Variants in AP4E1 observed in about 807,000 individuals in gnomAD.
The protein encoded by AP4E1 is adaptor related protein complex 4 subunit epsilon 1.
AP4E1 carries 56 observed loss-of-function variants against 128.2 expected under a neutral mutation model. That is an observed-to-expected ratio of 0.44 (90% CI 0.35 to 0.55). The LOEUF (loss-of-function observed/expected upper bound fraction) is 0.55. AP4E1 is among the 20% of genes least tolerant of loss of function. The pLI, the probability that AP4E1 is intolerant of heterozygous loss-of-function variation, is 0.00. For missense variants in AP4E1, 1,324 were observed against 1,307.7 expected (o/e 1.01, Z -0.19); for synonymous variants, 484 against 473.1 (o/e 1.02, Z -0.30).
At chr15:50,913,962 C>T (rs908704702) in intron 2 of AP4E1, among the ~76,000 whole-genome samples, 7 of 151,980 alleles carry the variant, frequency 4.6e-5, no homozygotes, top group Admixed American at 2.6e-4. Flanking sequence ...TAATTACAGG[C>T]GCAGGTCCCC....
intron 15 of AP4E1, among the ~76,000 whole-genome samples, chr15:50,983,099 G>A (rs2064664950): frequency 1.3e-5 from 2 of 152,058 alleles, no homozygotes; most frequent in African/African-American, 4.8e-5. Flanking sequence ...CAAGATAGAC[G>A]GTTATTGCTT....
At chr15:50,934,775 T>C (rs1354481025) in intron 8 of AP4E1, 78 bp downstream of exon 8, 5 of 932,868 alleles carry the variant, frequency 5.4e-6, no homozygotes, top group Non-Finnish European at 8.6e-6. Flanking sequence ...GTTAGAATGC[T>C]ATAAATTCCA....
intron 17 of AP4E1, among the ~76,000 whole-genome samples, chr15:50,995,748 A>G (rs181211301): frequency 4.6e-5 from 7 of 152,172 alleles, no homozygotes; most frequent in Admixed American, 3.9e-4. Context: ...CTTTTCTTCA[A>G]GCATTTTAAC....
intron 13 of AP4E1, 51 bp downstream of exon 13, chr15:50,950,220 C>T (rs1261948821): frequency 2.4e-6 from 3 of 1,250,344 alleles, no homozygotes; most frequent in Admixed American, 3.7e-5. Flanking sequence ...TTAATACAAA[C>T]CAAATGTTAA....
chr15:50,963,565 T>C (rs957775243), intron 14 of AP4E1, among the ~76,000 whole-genome samples: 1 of 152,074 alleles, frequency 6.6e-6, no homozygotes, highest in Non-Finnish European at 1.5e-5. Flanking sequence ...CTGGGAAGGG[T>C]CGGGGGGCAG....
chr15:50,916,848 C>T (rs2063636916), intron 3 of AP4E1, among the ~76,000 whole-genome samples: 1 of 152,166 alleles, frequency 6.6e-6, no homozygotes, highest in South Asian at 2.1e-4. Flanking sequence ...GTTATCTTTT[C>T]ATATATTAAT....
intron 2 of AP4E1, among the ~76,000 whole-genome samples, chr15:50,914,977 C>A (rs534854966): frequency 5.3e-4 from 80 of 152,256 alleles, no homozygotes; most frequent in African/African-American, 1.8e-3. Context: ...TGAAGAAAAT[C>A]TAGGTGCAAT....
At chr15:50,995,901 C>CAGA (rs1383434575) in intron 17 of AP4E1, among the ~76,000 whole-genome samples, 1 of 147,686 alleles carries the variant, frequency 6.8e-6, no homozygotes, top group Non-Finnish European at 1.5e-5. Flanking sequence ...AAAAAAAGAC[C>CAGA]AGAAAAGACC....
intron 1 of AP4E1, among the ~76,000 whole-genome samples, chr15:50,911,830 A>G (rs1219916328): frequency 6.6e-6 from 1 of 152,168 alleles, no homozygotes; most frequent in African/African-American, 2.4e-5. Context: ...CATTAAGGGG[A>G]AGTAACTGAG....
At chr15:50,943,905 T>C (rs1345567667) in intron 10 of AP4E1, among the ~76,000 whole-genome samples, 2 of 152,196 alleles carry the variant, frequency 1.3e-5, no homozygotes, top group South Asian at 2.1e-4. Flanking sequence ...TTAAAACTTA[T>C]GAATTATTGA....
intron 14 of AP4E1, among the ~76,000 whole-genome samples, chr15:50,964,790 C>G (rs963507551): frequency 6.6e-6 from 1 of 152,014 alleles, no homozygotes; most frequent in Non-Finnish European, 1.5e-5. Context: ...TTTGGATCTC[C>G]CGCCCAAATC....
In AP4E1 at chr15:50,949,766, A is replaced by C; in HGVS notation, c.1317-60A>C. On this transcript the variant is annotated intron_variant, in intron 11 of 20. Transcript: ENST00000261842. Reference sequence around the variant, plus strand: ...GGGTTATTTTTTAAAAGATTGCTACAGAAGGGTAATTTTAATAAGTAGCAT... The same window carrying C: ...GGGTTATTTTTTAAAAGATTGCTACCGAAGGGTAATTTTAATAAGTAGCAT... 5 of 1,281,302 alleles carry C rather than the reference A, an allele frequency of 3.9e-6. No homozygotes were observed. The South Asian group carries it at 5.9e-5, about 15-fold the overall frequency. 79.4% of individuals were successfully genotyped at this position (1,281,302 alleles called of 1,614,324 possible). A position where few individuals can be genotyped will look rare whatever the true frequency, so the allele number is the denominator to read the frequency against.
chr15:50,925,056 A>G (rs767256883), intron 4 of AP4E1, 42 bp from the exon 5 acceptor site: 2 of 1,612,094 alleles, frequency 1.2e-6, no homozygotes, highest in Non-Finnish European at 1.7e-6. Context: ...TCCTAGTTTC[A>G]GTATTTACAC....
chr15:50,993,662 C>T (rs755118847), intron 17 of AP4E1, 37 bp downstream of exon 17: 2 of 1,612,588 alleles, frequency 1.2e-6, no homozygotes, highest in South Asian at 2.2e-5. Context: ...GAATCTTTGT[C>T]ATCTGTCTGT....
In AP4E1 at chr15:50,993,446, A is replaced by T. The variant is rs1180824125; in HGVS notation, c.2167A>T (p.Thr723Ser). ...CTATCTTCCCAAGAAGGAAAGCAAA[A>T]CTGGTGATGAAAGTGGAGCTCTGCC... ...EGYLPKKESK[T>S]GDESGALPVP... Residue 723 changes from threonine to serine, a missense_variant, in exon 17 of 21, where the codon ACT (threonine) becomes TCT (serine). By Grantham distance (58) the Thr-to-Ser change is moderately conservative. Coordinates refer to ENST00000261842, the MANE Select transcript of AP4E1 (RefSeq NM_007347.5). The T allele has an allele frequency of 1.2e-6, 2 of 1,613,992 alleles. No homozygotes were observed. Among genetic ancestry groups the T allele is most frequent in the Admixed American group, 3.3e-5 (2 of 59,990 alleles).
chr15:50,912,288 A>G (rs1240656132), intron 2 of AP4E1, 139 bp downstream of exon 2: 2 of 834,104 alleles, frequency 2.4e-6, no homozygotes, highest in Non-Finnish European at 4.1e-6. Flanking sequence ...GTAGCAACTC[A>G]GATGTTAACT....
At chr15:50,945,110 A>G (rs1437295060) in intron 10 of AP4E1, 3 of 791,428 alleles carry the variant, frequency 3.8e-6, no homozygotes, top group Non-Finnish European at 7.0e-6. Context: ...AAGAACCATT[A>G]CATACAACAT....
At position 50,912,806 on chromosome 15, in the gene AP4E1, G is replaced by T. The variant is rs565580713; in HGVS notation, c.222+657G>T. ...GCCTCCTGAGTAACTGGGACTACAG[G>T]TGCCCGCCACCATGCCTGGCTAATT... is the stretch of plus-strand genomic sequence containing the variant. On this transcript the variant is annotated intron_variant, in intron 2 of 20. Transcript: ENST00000261842. 5.3e-5 allele frequency among the ~76,000 whole-genome samples: 8 copies of T among 152,190 alleles called. 1 individual carries two copies. In the South Asian group the frequency reaches 1.5e-3, roughly 28 times the overall value.
chr15:50,916,721 T>C (rs1460620466), intron 3 of AP4E1, among the ~76,000 whole-genome samples: 2 of 152,220 alleles, frequency 1.3e-5, no homozygotes, highest in African/African-American at 4.8e-5. Flanking sequence ...AAACTTGTTA[T>C]ATTCTTTCCT....
Sources: allele counts gnomAD v4.1 joint callset (sites outside exome capture counted in the v4.1 genomes callset), GRCh38; gene constraint gnomAD v4.1.1; transcripts MANE v1.5; gene names NCBI Gene and HGNC (gene_info 2026-07-23, HGNC 2026-07-21).